Variants in ERCC8 observed in about 807,000 individuals in gnomAD.
ERCC8 encodes the protein DNA excision repair protein ERCC-8.
A neutral mutation model predicts 54.9 loss-of-function variants in ERCC8; 52 were observed. The ratio of observed to expected loss-of-function variants is 0.95; its 90% CI spans 0.76 to 1.19. The LOEUF is 1.19. ERCC8 is among the 50% of genes most tolerant of loss of function. ERCC8 has a pLI of 0.00. For synonymous variants in ERCC8, 146 were observed against 157.2 expected (o/e 0.93, Z 0.53); for missense variants, 514 against 466.1 (o/e 1.10, Z -0.95).
intron 9 of ERCC8, among the ~76,000 whole-genome samples, chr5:60,896,861 T>G (rs1748738587): frequency 6.6e-6 from 1 of 152,138 alleles, no homozygotes; most frequent in African/African-American, 2.4e-5. Context: ...CCATTTATAT[T>G]TATCACATTA....
intron 9 of ERCC8, among the ~76,000 whole-genome samples, chr5:60,891,633 G>A (rs1748560797): frequency 6.8e-6 from 1 of 146,676 alleles, no homozygotes; most frequent in Non-Finnish European, 1.5e-5. Flanking sequence ...TTGGGGAGGG[G>A]GTAATGATAT....
chr5:60,905,478 T>C (rs1749045102), intron 4 of ERCC8, among the ~76,000 whole-genome samples: 1 of 152,176 alleles, frequency 6.6e-6, no homozygotes, highest in African/African-American at 2.4e-5. Context: ...TTTGCTAACA[T>C]CCTTCCACTT....
rs757763502 is a variant in ERCC8 at position 60,871,831 on chromosome 5, C to T, written c.*2784G>A. Among the ~76,000 whole-genome samples, 14 of 152,172 alleles carry T rather than the reference C, an allele frequency of 9.2e-5. No individual in the cohort carries two copies. Among genetic ancestry groups the T allele is most frequent in the East Asian group, 1.9e-4 (1 of 5,186 alleles). ...TTTTCTTTTGGGAGACACAAGGTCT[C>T]GCCATGTCACCCAGGCTGGAGTGTA... On this transcript the variant is annotated 3_prime_UTR_variant, in exon 12 of 12. Transcript: ENST00000676185.
At chr5:60,894,555 A>G (rs532946534) in intron 9 of ERCC8, among the ~76,000 whole-genome samples, 1 of 152,266 alleles carries the variant, frequency 6.6e-6, no homozygotes, top group East Asian at 1.9e-4. Flanking sequence ...CAAAAATTAA[A>G]ATTCTTTGCT....
intron 8 of ERCC8, 123 bp downstream of exon 8, chr5:60,899,504 G>A (rs1748811206): frequency 4.3e-6 from 3 of 699,748 alleles, no homozygotes; most frequent in Admixed American, 2.0e-5. Context: ...TACGATGAAT[G>A]CCTTTTGAAA....
intron 4 of ERCC8, among the ~76,000 whole-genome samples, chr5:60,915,908 T>C (rs1239924882): frequency 6.6e-6 from 1 of 151,978 alleles, no homozygotes; most frequent in Non-Finnish European, 1.5e-5. Flanking sequence ...CGGGACATGA[T>C]GCTGCCTACC....
intron 6 of ERCC8, among the ~76,000 whole-genome samples, chr5:60,903,132 ATCAG>A (rs1321977901): frequency 6.6e-6 from 1 of 151,932 alleles, no homozygotes; most frequent in Non-Finnish European, 1.5e-5. Context: ...TTTCTTTGAG[ATCAG>A]TCAAAATATA....
chr5:60,930,293 C>T (rs866522905), intron 1 of ERCC8, among the ~76,000 whole-genome samples: 8 of 152,248 alleles, frequency 5.3e-5, no homozygotes, highest in Middle Eastern at 6.8e-3. Flanking sequence ...AGGCTAGGTG[C>T]GGCGGCTCAT....
Position 60,869,862 on chromosome 5 carries a change from C to T in ERCC8, c.*4753G>A, listed in dbSNP as rs1157789790. The stretch of plus-strand genomic sequence containing the variant: ...GGCCTAAGTATTCTTTGAAATATGG[C>T]AGAATATAAGTACCTTAGGTGACGA... On this transcript the variant is annotated 3_prime_UTR_variant, in exon 12 of 12. Coordinates refer to ENST00000676185, the MANE Select transcript of ERCC8 (RefSeq NM_000082.4). Among the ~76,000 whole-genome samples the T allele has an allele frequency of 1.3e-5, 2 of 151,880 alleles. No homozygotes were observed. The highest frequency in any genetic ancestry group is 4.8e-5 in the African/African-American group (2 of 41,320).
chr5:60,944,426 T>C (rs1208736643), intron 1 of ERCC8, among the ~76,000 whole-genome samples: 1 of 152,172 alleles, frequency 6.6e-6, no homozygotes, highest in Non-Finnish European at 1.5e-5. Flanking sequence ...CACAAGGCTC[T>C]TCCTCATCTA....
intron 11 of ERCC8, among the ~76,000 whole-genome samples, chr5:60,878,072 T>C (rs1748072252): frequency 6.6e-6 from 1 of 152,248 alleles, no homozygotes; most frequent in South Asian, 2.1e-4. Flanking sequence ...TTGAGAGTTT[T>C]TAGCATGAAG....
Position 60,938,077 on chromosome 5 carries a change from ATATATATATTTTATTT to A in ERCC8, c.77+6839_77+6854del, listed in dbSNP as rs1561519085. 5.5e-4 allele frequency among the ~76,000 whole-genome samples: 10 copies of A among 18,288 alleles called. No individual in the cohort carries two copies. The East Asian group carries it at 0.035, about 64-fold the overall frequency. The allele number at this position is 18,288 out of a possible 152,430, so 12.0% of individuals were successfully genotyped here. On this transcript the variant is annotated intron_variant, in intron 1 of 11. Coordinates refer to ENST00000676185, the MANE Select transcript of ERCC8 (RefSeq NM_000082.4). ...TATATATATATATATATATATATAT[ATATATATATTTTATTT>A]TTTTTTTTTTTAGGTTACGAAGTTT...
intron 11 of ERCC8, among the ~76,000 whole-genome samples, chr5:60,885,921 T>C (rs1561496454): frequency 1.3e-5 from 2 of 152,282 alleles, no homozygotes; most frequent in East Asian, 1.9e-4. Context: ...AAAATGTTTT[T>C]TGAATGTCAA....
chr5:60,893,984 CTTT>C (rs35254362), intron 9 of ERCC8, among the ~76,000 whole-genome samples: 33 of 109,842 alleles, frequency 3.0e-4, no homozygotes, highest in Admixed American at 2.7e-4. Flanking sequence ...GGGAATTTAT[CTTT>C]TTTTTTTTTT....
intron 4 of ERCC8, among the ~76,000 whole-genome samples, chr5:60,911,097 A>G (rs1749245081): frequency 6.6e-6 from 1 of 152,148 alleles, no homozygotes; most frequent in Non-Finnish European, 1.5e-5. Flanking sequence ...GTTCTAGGGT[A>G]CATGTGACAA....
At position 60,891,080 on chromosome 5, in the gene ERCC8, A is replaced by T; in HGVS notation, c.850T>A (p.Tyr284Asn). 2 of 1,600,464 alleles carry T rather than the reference A, an allele frequency of 1.2e-6. No homozygotes were observed. Among genetic ancestry groups the T allele is most frequent in the South Asian group, 2.2e-5 (2 of 90,728 alleles). Residue 284 changes from tyrosine (Y) to asparagine (N), a missense_variant, in exon 10 of 12, where the codon TAT becomes AAT. By Grantham distance (143) the Tyr-to-Asn change is moderately radical (BLOSUM62 -2). Coordinates refer to ENST00000676185, the MANE Select transcript of ERCC8 (RefSeq NM_000082.4). ...SSNGENTLVN[Y>N]GKVCNNSKKG... ...TTACTGTTATTACAAACTTTTCCAT[A>T]GTTCACCTGTAGGATTAAAATAATA...
intron 9 of ERCC8, chr5:60,892,205 G>A (rs1748583253): frequency 1.9e-6 from 1 of 531,742 alleles, no homozygotes; most frequent in Non-Finnish European, 3.8e-6. Context: ...ATTCGGATTG[G>A]TGCAATAACC....
intron 2 of ERCC8, among the ~76,000 whole-genome samples, chr5:60,927,264 T>C (rs949646000): frequency 1.3e-5 from 2 of 152,212 alleles, no homozygotes; most frequent in African/African-American, 4.8e-5. Flanking sequence ...ACAGCTCTCA[T>C]GGTGGATGGT....
At chr5:60,896,926 C>G (rs10046059) in intron 9 of ERCC8, among the ~76,000 whole-genome samples, 7,140 of 152,216 alleles carry the variant, frequency 0.047, 568 homozygotes, top group African/African-American at 0.16. Context: ...CACTTCTCCA[C>G]TCACAAGCCT....
Sources: allele counts gnomAD v4.1 joint callset (sites outside exome capture counted in the v4.1 genomes callset), GRCh38; gene constraint gnomAD v4.1.1; transcripts MANE v1.5; gene names NCBI Gene and HGNC (gene_info 2026-07-23, HGNC 2026-07-21).